Variants in RAP1GAP observed in about 807,000 individuals in gnomAD.
RAP1GAP encodes the protein RAP1 GTPase activating protein.
Under a neutral mutation model 87.2 loss-of-function variants are expected in RAP1GAP, and 35 were observed. The ratio of observed to expected loss-of-function variants is 0.40; its 90% CI spans 0.31 to 0.53. The LOEUF (loss-of-function observed/expected upper bound fraction) is 0.53. Among genes scored for constraint, RAP1GAP ranks in the 20% least tolerant of loss-of-function variants. RAP1GAP has a pLI of 0.48. For missense variants in RAP1GAP, 734 were observed against 898.9 expected, an observed-to-expected ratio of 0.82 and a Z score of 2.35; for synonymous variants, 375 against 363.9, an observed-to-expected ratio of 1.03 and a Z score of -0.35.
intron 1 of RAP1GAP, chr1:21,651,771 C>A (rs762753666): frequency 6.9e-7 from 1 of 1,440,240 alleles, no homozygotes; most frequent in South Asian, 1.4e-5. Flanking sequence ...CGCCGCGCCA[C>A]GCCCTACCCG....
chr1:21,658,388 T>C (rs2152271251), intron 1 of RAP1GAP, among the ~76,000 whole-genome samples: 1 of 150,884 alleles, frequency 6.6e-6, no homozygotes, highest in Admixed American at 6.6e-5. Context: ...ACCAATATGG[T>C]GAAACCTTGT....
At chr1:21,660,339 C>CTATTTATATATATATATATATA (rs563814821) in intron 1 of RAP1GAP, among the ~76,000 whole-genome samples, 9,577 of 51,888 alleles carry the variant, frequency 0.18, 1,564 homozygotes, top group East Asian at 0.28. Context: ...TCCAACTCAG[C>CTATTTATATATATATATATATA]TATATATATT....
intron 3 of RAP1GAP, among the ~76,000 whole-genome samples, chr1:21,620,334 G>T (rs2086098540): frequency 6.6e-6 from 1 of 152,172 alleles, no homozygotes; most frequent in Admixed American, 6.5e-5. Flanking sequence ...CCCTTGGGGA[G>T]GGACAGATCG....
Position 21,598,071 on chromosome 1 carries a change from A to C in RAP1GAP, c.1880-7T>G. 17 of 783,280 alleles carry C rather than the reference A, an allele frequency of 2.2e-5. No individual in the cohort carries two copies. Among genetic ancestry groups the C allele is most frequent in the Non-Finnish European group, 2.8e-5 (14 of 506,980 alleles). 48.5% of individuals were successfully genotyped at this position (783,280 alleles called of 1,614,324 possible). The stretch of plus-strand genomic sequence containing the variant: ...TGGGGTGATCGAGAGGGGCCTGGGG[A>C]GGGGGGCAGGAGGGAGCCACCTCAC... On this transcript the variant is annotated splice_region_variant and splice_polypyrimidine_tract_variant and intron_variant, in intron 22 of 24. Transcript: ENST00000374765.
chr1:21,619,130 C>T, intron 4 of RAP1GAP, 58 bp from the exon 5 acceptor site: 1 of 1,526,932 alleles, frequency 6.5e-7, no homozygotes, highest in East Asian at 2.4e-5. Context: ...GCGCTGCCTC[C>T]CCTCCCCAAG....
At chr1:21,604,843 A>AGATGGATG (rs369644872) in intron 18 of RAP1GAP, among the ~76,000 whole-genome samples, 149 of 121,932 alleles carry the variant, frequency 1.2e-3, no homozygotes, top group South Asian at 2.6e-3. Context: ...GGATGGATAG[A>AGATGGATG]GATGGATGGA....
chr1:21,653,084 T>A (rs1448005940), intron 1 of RAP1GAP: 1 of 152,116 alleles, frequency 6.6e-6, no homozygotes, highest in African/African-American at 2.4e-5. Context: ...AGCTCCAGCA[T>A]CCCCTGGGAA....
Position 21,617,475 on chromosome 1 carries a change from C to T in RAP1GAP, c.122G>A (p.Gly41Glu). The change falls in exon 7 of 25, where the codon GGA becomes GAA. Residue 41 changes from glycine to glutamate, a missense_variant. By Grantham distance (98) the Gly-to-Glu change is moderately conservative (BLOSUM62 -2). Around this residue, in one of 2 missense-constraint regions of RAP1GAP, gnomAD observed 485 missense variants for 646.2 expected, o/e 0.75. Transcript: ENST00000374765. ...GGGCAGCAGGATGAGGGGGAAGGGT[C>T]CTTCTCGCCCCAAGACCTGAAGAGG... ...PSVHEVLGRE[G>E]PFPLILLPQF... 1 of 1,600,334 alleles carries T rather than the reference C, an allele frequency of 6.2e-7. No individual in the cohort carries two copies.
rs374826861 is a variant in RAP1GAP at position 21,635,034 on chromosome 1, C to T, written c.-112-8637G>A. Among the ~76,000 whole-genome samples the T allele has an allele frequency of 4.7e-4, 72 of 152,320 alleles. 1 individual carries two copies. The South Asian group carries it at 0.014, about 30-fold the overall frequency. On this transcript the variant is annotated intron_variant, in intron 2 of 24. Transcript: ENST00000374765. Reference sequence around the variant, plus strand: ...CAACAGCCTCCTGAGGAACACAGAGCAGTAATGCTAATCTCCATTCTGCCT... The same window carrying T: ...CAACAGCCTCCTGAGGAACACAGAGTAGTAATGCTAATCTCCATTCTGCCT...
chr1:21,649,680 G>A (rs372718477), intron 2 of RAP1GAP, 81 bp downstream of exon 2: 19 of 1,454,704 alleles, frequency 1.3e-5, no homozygotes, highest in Non-Finnish European at 1.6e-5. Flanking sequence ...GCCTGGCATC[G>A]CAGGGGTAGG....
chr1:21,601,588 G>T, intron 20 of RAP1GAP, 96 bp downstream of exon 20: 1 of 901,478 alleles, frequency 1.1e-6, no homozygotes, highest in Non-Finnish European at 1.6e-6. Flanking sequence ...CTGTGGCACA[G>T]TCAAGGCTCC....
chr1:21,610,130 G>A lies in RAP1GAP; in HGVS notation c.989C>T (p.Pro330Leu), dbSNP rs748186647. 26 of 1,613,852 alleles carry A rather than the reference G, an allele frequency of 1.6e-5. No homozygotes were observed. The highest frequency in any genetic ancestry group is 2.2e-5 in the South Asian group (2 of 91,080). Residue 330 changes from proline (P) to leucine (L), a missense_variant, in exon 14 of 25, where the codon CCC (proline) becomes CTC (leucine). By Grantham distance (98) the Pro-to-Leu change is moderately conservative. Around this residue, in one of 2 missense-constraint regions of RAP1GAP, gnomAD observed 485 missense variants for 646.2 expected, o/e 0.75. Coordinates refer to ENST00000374765, the MANE Select transcript of RAP1GAP (RefSeq NM_002885.4). ...VQAEGGGPDG[P>L]LYKVSVTARD... ...TCCAAGAGCGCCCACCTTGTAGAGG[G>A]GGCCATCAGGGCCCCCGCCCTCAGC... is the stretch of plus-strand genomic sequence containing the variant.
At position 21,596,322 on chromosome 1, in the gene RAP1GAP, T is replaced by C. The variant is rs1448706524; in HGVS notation, c.*977A>G. 1 of 152,260 alleles carries C rather than the reference T, an allele frequency of 6.6e-6. No homozygotes were observed. Among genetic ancestry groups the C allele is most frequent in the Non-Finnish European group, 1.5e-5 (1 of 68,040 alleles). The allele number at this position is 152,260 out of a possible 1,614,324, so 9.4% of individuals were successfully genotyped here. A position where few individuals can be genotyped will look rare whatever the true frequency, so the allele number is the denominator to read the frequency against. ...GTATTGGGGCCAGGAGGCTGGCCTTTGGCGTGACGCCTAAAAAGTGTGACC... is the reference window on the plus strand; with the variant it reads ...GTATTGGGGCCAGGAGGCTGGCCTTCGGCGTGACGCCTAAAAAGTGTGACC... On this transcript the variant is annotated 3_prime_UTR_variant, in exon 25 of 25. Transcript: ENST00000374765.
intron 1 of RAP1GAP, chr1:21,651,692 CG>C: frequency 3.8e-6 from 3 of 799,212 alleles, no homozygotes; most frequent in Non-Finnish European, 6.1e-6. Flanking sequence ...CCCGCCCAAA[CG>C]CGAGCACACC....
At chr1:21,602,766 GAT>G in intron 19 of RAP1GAP, 36 bp downstream of exon 19, 1 of 1,537,472 alleles carries the variant, frequency 6.5e-7, no homozygotes. Context: ...CAGGGATGGG[GAT>G]GCAGGGGAAT....
At position 21,666,713 on chromosome 1, in the gene RAP1GAP, G is replaced by A. The variant is rs150787500; in HGVS notation, c.-149+2541C>T. 6.1e-3 allele frequency among the ~76,000 whole-genome samples: 922 copies of A among 152,290 alleles called. 6 individuals carry two copies. Among genetic ancestry groups the A allele is most frequent in the Non-Finnish European group, 0.01 (699 of 68,024 alleles). ...CGCAGGAAGCTGATGTAATTCATGCGTGTGTGCACCCATGATGGCCTGGGT... is the reference window on the plus strand; with the variant it reads ...CGCAGGAAGCTGATGTAATTCATGCATGTGTGCACCCATGATGGCCTGGGT... On this transcript the variant is annotated intron_variant, in intron 1 of 24. Transcript: ENST00000374765.
intron 1 of RAP1GAP, chr1:21,653,157 A>C (rs2096692427): frequency 6.6e-6 from 1 of 152,094 alleles, no homozygotes; most frequent in Non-Finnish European, 1.5e-5. Context: ...GTGGCGCTGC[A>C]GTTTCCCCAT....
intron 2 of RAP1GAP, among the ~76,000 whole-genome samples, chr1:21,637,873 G>A (rs1262624797): frequency 6.7e-6 from 1 of 149,394 alleles, no homozygotes; most frequent in Non-Finnish European, 1.5e-5. Context: ...GGTGGTTCAC[G>A]CCTGTAATCC....
At chr1:21,608,097 GC>G in intron 17 of RAP1GAP, 115 bp downstream of exon 17, 1 of 1,377,494 alleles carries the variant, frequency 7.3e-7, no homozygotes, top group Non-Finnish European at 9.7e-7. Context: ...CCTCAGCCAC[GC>G]CCCTTCTGCC....
Sources: allele counts gnomAD v4.1 joint callset (sites outside exome capture counted in the v4.1 genomes callset), GRCh38; gene constraint gnomAD v4.1.1; regional missense constraint gnomAD v4.1.1; transcripts MANE v1.5; gene names NCBI Gene and HGNC (gene_info 2026-07-23, HGNC 2026-07-21).